The following NLK variants were observed in gnomAD, a reference collection of about 807,000 sequenced individuals.
NLK encodes nemo like kinase, also known as serine/threonine-protein kinase NLK.
NLK carries 11 observed loss-of-function variants against 59.0 expected under a neutral mutation model. That is an observed-to-expected ratio of 0.19 (90% CI 0.12 to 0.31). The LOEUF is 0.31. NLK is among the 10% of genes least tolerant of loss of function. NLK has a pLI of 1.00. For missense variants in NLK, 410 were observed against 661.1 expected (o/e 0.62, Z 4.16); for synonymous variants, 235 against 235.9 (o/e 1.00, Z 0.03).
intron 1 of NLK, 121 bp from the exon 2 acceptor site, chr17:28,122,482 T>C (rs1906108059): frequency 3.0e-6 from 3 of 992,984 alleles, no homozygotes; most frequent in African/African-American, 3.2e-5. Context: ...CTTCATTAAG[T>C]GGACTTAATG....
chr17:28,075,359 T>A (rs1186606929), intron 1 of NLK, among the ~76,000 whole-genome samples: 1 of 152,196 alleles, frequency 6.6e-6, no homozygotes, highest in Non-Finnish European at 1.5e-5. Context: ...AGGCAAGTAA[T>A]CATTAGGTGG....
intron 2 of NLK, among the ~76,000 whole-genome samples, chr17:28,127,689 A>G (rs1206704658): frequency 6.6e-6 from 1 of 152,228 alleles, no homozygotes; most frequent in Non-Finnish European, 1.5e-5. Context: ...TATAATCTTA[A>G]TCACAGTCCC....
intron 1 of NLK, among the ~76,000 whole-genome samples, chr17:28,110,100 G>A (rs1905398172): frequency 6.6e-6 from 1 of 152,072 alleles, no homozygotes; most frequent in South Asian, 2.1e-4. Context: ...ATGTTTTGTA[G>A]TTTGCATTCT....
chr17:28,080,119 G>A (rs576558107), intron 1 of NLK, among the ~76,000 whole-genome samples: 2 of 152,226 alleles, frequency 1.3e-5, no homozygotes, highest in East Asian at 1.9e-4. Flanking sequence ...GCAGTATTTT[G>A]TGCATGTTTG....
At chr17:28,056,820 C>T (rs1162090253) in intron 1 of NLK, among the ~76,000 whole-genome samples, 1 of 151,952 alleles carries the variant, frequency 6.6e-6, no homozygotes, top group Non-Finnish European at 1.5e-5. Context: ...TTGAGCATAT[C>T]ATTCCCCTAC....
intron 1 of NLK, among the ~76,000 whole-genome samples, chr17:28,057,052 T>C (rs1014317428): frequency 2.0e-5 from 3 of 151,354 alleles, no homozygotes; most frequent in African/African-American, 7.3e-5. Context: ...CCTCCCGGGT[T>C]CAAGCGATTC....
chr17:28,055,752 A>G (rs1271139321), intron 1 of NLK, among the ~76,000 whole-genome samples: 1 of 152,182 alleles, frequency 6.6e-6, no homozygotes, highest in Non-Finnish European at 1.5e-5. Flanking sequence ...AGTATGAGTG[A>G]AAAAAATAGT....
At chr17:28,059,230 T>C (rs1291165362) in intron 1 of NLK, among the ~76,000 whole-genome samples, 4 of 152,310 alleles carry the variant, frequency 2.6e-5, no homozygotes, top group East Asian at 1.9e-4. Context: ...ACACTTGTTA[T>C]TATTTATTAT....
At chr17:28,201,298 G>A (rs962048255), downstream of NLK, among the ~76,000 whole-genome samples, 1 of 151,534 alleles carries the variant, frequency 6.6e-6, no homozygotes, top group Non-Finnish European at 1.5e-5. Context: ...GCCCAGGCTG[G>A]TCTTGAACTC....
chr17:28,163,132 T>G lies in NLK; in HGVS notation c.752-411T>G, dbSNP rs368145059. 9.1e-4 allele frequency among the ~76,000 whole-genome samples: 139 copies of G among 152,302 alleles called. 1 individual carries two copies. The highest frequency in any genetic ancestry group is 3.2e-3 in the African/African-American group (134 of 41,564). ...AATTTTGTTCTATCAGTGAAACATC[T>G]GTCCTGGGAAAGGCTCCCTGTAGTA... is the stretch of plus-strand genomic sequence containing the variant. On this transcript the variant is annotated intron_variant, in intron 4 of 10. Coordinates refer to ENST00000407008, the MANE Select transcript of NLK (RefSeq NM_016231.5).
rs571627202 is a variant in NLK, at chr17:28,175,668, A to C, written c.1149+3050A>C. 2.6e-5 allele frequency among the ~76,000 whole-genome samples: 4 copies of C among 152,316 alleles called. No individual in the cohort carries two copies. The South Asian group carries it at 8.3e-4, about 32-fold the overall frequency. Reference sequence around the variant, plus strand: ...TGGTGATTAAAAATGGTTTTACCTCATTAAATTGTTACAGTGAGAAAAGAG... The same window carrying C: ...TGGTGATTAAAAATGGTTTTACCTCCTTAAATTGTTACAGTGAGAAAAGAG... On this transcript the variant is annotated intron_variant, in intron 7 of 10. Coordinates refer to ENST00000407008, the MANE Select transcript of NLK (RefSeq NM_016231.5).
intron 5 of NLK, among the ~76,000 whole-genome samples, chr17:28,164,984 G>A (rs967579450): frequency 6.6e-6 from 1 of 151,940 alleles, no homozygotes; most frequent in Admixed American, 6.6e-5. Context: ...ACTCAAGAAA[G>A]ATGAAAACCT....
intron 1 of NLK, among the ~76,000 whole-genome samples, chr17:28,118,898 CT>C (rs2142814045): frequency 6.6e-6 from 1 of 152,202 alleles, no homozygotes; most frequent in Admixed American, 6.5e-5. Context: ...TAAAACTTCA[CT>C]GTTTAAGAAG....
At chr17:28,098,551 A>G (rs561020292) in intron 1 of NLK, among the ~76,000 whole-genome samples, 1 of 152,102 alleles carries the variant, frequency 6.6e-6, no homozygotes, top group East Asian at 1.9e-4. Flanking sequence ...GGGTGCATGT[A>G]TATTATTGGC....
At chr17:28,107,443 A>G (rs889416850) in intron 1 of NLK, among the ~76,000 whole-genome samples, 2 of 151,892 alleles carry the variant, frequency 1.3e-5, no homozygotes, top group African/African-American at 2.4e-5. Flanking sequence ...TCAAAAAAAA[A>G]AAAGAAAAGA....
chr17:28,088,947 A>T (rs191961734), intron 1 of NLK, among the ~76,000 whole-genome samples: 168 of 152,284 alleles, frequency 1.1e-3, no homozygotes, highest in East Asian at 8.7e-3. Flanking sequence ...CCTTTTTCCC[A>T]TACAAAGTAT....
chr17:28,106,252 T>G (rs1265119694), intron 1 of NLK, among the ~76,000 whole-genome samples: 1 of 152,220 alleles, frequency 6.6e-6, no homozygotes, highest in East Asian at 1.9e-4. Context: ...ATAAATTCTT[T>G]TATACAGTGT....
At chr17:28,097,713 A>T (rs1239641673) in intron 1 of NLK, among the ~76,000 whole-genome samples, 4 of 152,194 alleles carry the variant, frequency 2.6e-5, no homozygotes, top group Non-Finnish European at 4.4e-5. Flanking sequence ...TGATATGATT[A>T]TAATGACAGA....
intron 1 of NLK, chr17:28,048,219 C>G (rs572956655): frequency 5.7e-6 from 2 of 351,014 alleles, no homozygotes; most frequent in South Asian, 1.5e-4. Flanking sequence ...GCACCCACTT[C>G]TTGGTGGTTG....
Sources: gnomAD v4.1 joint callset for allele counts (sites outside exome capture counted in the v4.1 genomes callset) on GRCh38, gnomAD v4.1.1 for gene constraint, MANE v1.5 for transcripts, NCBI Gene and HGNC (gene_info 2026-07-23, HGNC 2026-07-21) for gene names.